Variants in NAP1L4 observed in about 807,000 individuals in gnomAD.
The protein encoded by NAP1L4 is nucleosome assembly protein 1-like 4.
Under a neutral mutation model 58.2 loss-of-function variants are expected in NAP1L4, and 15 were observed. The ratio of observed to expected loss-of-function variants is 0.26; its 90% confidence interval spans 0.17 to 0.40. NAP1L4 has a LOEUF of 0.40. Among genes scored for constraint, NAP1L4 ranks in the 10% least tolerant of loss-of-function variants. The pLI, the probability that NAP1L4 is intolerant of heterozygous loss-of-function variation, is 1.00. For synonymous variants in NAP1L4, 171 were observed against 155.6 expected, an observed-to-expected ratio of 1.10 and a Z score of -0.74; for missense variants, 384 against 451.1, an observed-to-expected ratio of 0.85 and a Z score of 1.35.
chr11:2,987,285 A>C (rs1848688375), intron 1 of NAP1L4, among the ~76,000 whole-genome samples: 1 of 151,800 alleles, frequency 6.6e-6, no homozygotes, highest in South Asian at 2.1e-4. Flanking sequence ...TTTCCATGAT[A>C]ATGTTCTGGG....
At chr11:2,957,614 A>G (rs1411828540) in intron 10 of NAP1L4, among the ~76,000 whole-genome samples, 1 of 152,214 alleles carries the variant, frequency 6.6e-6, no homozygotes, top group East Asian at 1.9e-4. Context: ...AAGTTGCTTG[A>G]CCTTCACATT....
chr11:2,976,024 G>A lies in NAP1L4; in HGVS notation c.173C>T (p.Thr58Ile), dbSNP rs200525250. ...GAGACCCTATTCACAGCACACTTAC[G>A]TTTCGATGTAGCTGGAAGGGGTGTG... The part of the protein sequence containing the change: ...VPHTPSSYIE[T>I]LPKAVKRRIN... Residue 58 changes from threonine to isoleucine, a missense_variant and splice_region_variant, in exon 4 of 16, where the codon ACT becomes ATT. Around this residue, in one of 3 missense-constraint regions of NAP1L4, gnomAD observed 84 missense variants for 73.7 expected, o/e 1.14. Transcript: ENST00000380542. 2.2e-4 allele frequency: 357 copies of A among 1,610,518 alleles called. 1 individual carries two copies. The African/African-American group carries it at 4.1e-3, about 18-fold the overall frequency.
chr11:2,976,106 C>G lies in NAP1L4; in HGVS notation c.91G>C (p.Val31Leu), dbSNP rs1368956742. ...ASNTEKLTDQ[V>L]MQNPRVLAAL... is the part of the protein sequence containing the mutation. ...GCCAGAACTCGAGGATTCTGCATCA[C>G]CTGATCTGTGAGCTTTTCTATGAAG... The change falls in exon 4 of 16, where the codon GTG (valine) becomes CTG (leucine). Residue 31 changes from valine to leucine, a missense_variant. Physicochemically the swap from Val to Leu is conservative, Grantham distance 32. Coordinates refer to ENST00000380542, the MANE Select transcript of NAP1L4 (RefSeq NM_005969.4). The G allele has an allele frequency of 6.2e-7, 1 of 1,613,802 alleles. No homozygotes were observed. The highest frequency in any genetic ancestry group is 8.5e-7 in the Non-Finnish European group (1 of 1,179,930).
At chr11:2,970,085 G>A (rs1378735700) in intron 6 of NAP1L4, 151 bp from the exon 7 acceptor site, 6 of 693,000 alleles carry the variant, frequency 8.7e-6, no homozygotes, top group Non-Finnish European at 1.4e-5. Context: ...ACTGGGCCAC[G>A]CGACACTTTT....
chr11:2,962,781 T>C (rs1326269291), intron 8 of NAP1L4, among the ~76,000 whole-genome samples: 1 of 151,630 alleles, frequency 6.6e-6, no homozygotes, highest in Non-Finnish European at 1.5e-5. Flanking sequence ...AAAATTGACC[T>C]AGGAAATCAT....
Position 2,972,099 on chromosome 11 carries a change from T to C in NAP1L4, c.315+3A>G. Reference sequence around the variant, plus strand: ...TGTATATTAAATTAACAGAGCTCCCTACCTTGTCAAAGAGAGGCTGGTATA... The same window carrying C: ...TGTATATTAAATTAACAGAGCTCCCCACCTTGTCAAAGAGAGGCTGGTATA... On this transcript the variant is annotated splice_donor_region_variant and intron_variant, in intron 5 of 15. Transcript: ENST00000380542. 4.5e-6 allele frequency: 7 copies of C among 1,558,078 alleles called. No homozygotes were observed. Among genetic ancestry groups the C allele is most frequent in the Non-Finnish European group, 6.0e-6 (7 of 1,160,372 alleles).
intron 1 of NAP1L4, among the ~76,000 whole-genome samples, chr11:2,986,523 C>T (rs1488234497): frequency 1.3e-5 from 2 of 152,000 alleles, no homozygotes; most frequent in African/African-American, 4.8e-5. Flanking sequence ...TGGGAGATAA[C>T]TGAAGGATTA....
intron 1 of NAP1L4, chr11:2,990,397 A>C (rs536558919): frequency 3.1e-4 from 47 of 152,276 alleles, no homozygotes; most frequent in Non-Finnish European, 5.4e-4. Context: ...TTACTTTCCC[A>C]TTCTATCACC....
chr11:2,978,194 C>T (rs180972730), intron 3 of NAP1L4, 90 bp downstream of exon 3: 509 of 1,249,320 alleles, frequency 4.1e-4, no homozygotes, highest in Admixed American at 1.3e-3. Context: ...CACTGCAGTA[C>T]AGGAATCCTT....
At chr11:2,956,227 C>G (rs1846532832) in intron 10 of NAP1L4, among the ~76,000 whole-genome samples, 1 of 152,188 alleles carries the variant, frequency 6.6e-6, no homozygotes, top group African/African-American at 2.4e-5. Flanking sequence ...ATCAGCGAGA[C>G]AGAAACTGCA....
intron 7 of NAP1L4, among the ~76,000 whole-genome samples, chr11:2,968,345 C>T (rs948851581): frequency 1.3e-5 from 2 of 152,170 alleles, no homozygotes; most frequent in African/African-American, 4.8e-5. Flanking sequence ...GGTGAGACTA[C>T]GGCTCTGGTA....
At chr11:2,987,452 T>C (rs1191403868) in intron 1 of NAP1L4, among the ~76,000 whole-genome samples, 1 of 150,806 alleles carries the variant, frequency 6.6e-6, no homozygotes, top group African/African-American at 2.4e-5. Context: ...AGGCCCATGA[T>C]AATGTTTAAA....
At position 2,951,395 on chromosome 11, in the gene NAP1L4, CAA is replaced by C. The variant is rs1322748856; in HGVS notation, c.1066-82_1066-81del. ...ATTCACAATCCACAAACACAAGGAG[CAA>C]AACACTGCCTTAGATGGAAATCAAT... On this transcript the variant is annotated intron_variant, in intron 13 of 15. Coordinates refer to ENST00000380542, the MANE Select transcript of NAP1L4 (RefSeq NM_005969.4). The surrounding 1 kb of genome is among the most constrained non-coding windows in gnomAD (Gnocchi z 4.0). 19 of 1,184,848 alleles carry C rather than the reference CAA, an allele frequency of 1.6e-5. No individual in the cohort carries two copies. In the East Asian group the frequency reaches 4.0e-4, roughly 25 times the overall value. The allele number at this position is 1,184,848 out of a possible 1,614,324, so 73.4% of individuals were successfully genotyped here. A position where few individuals can be genotyped will look rare whatever the true frequency, so the allele number is the denominator to read the frequency against.
At chr11:2,974,281 C>T (rs1847825166) in intron 4 of NAP1L4, among the ~76,000 whole-genome samples, 1 of 152,118 alleles carries the variant, frequency 6.6e-6, no homozygotes, top group Admixed American at 6.5e-5. Flanking sequence ...CCCTAGTGTG[C>T]CCCCAACAGT....
At position 2,945,536 on chromosome 11, in the gene NAP1L4, G is replaced by A. The variant is rs980029044; in HGVS notation, c.*143C>T. The A allele has an allele frequency of 1.1e-4, 143 of 1,337,154 alleles. No homozygotes were observed. The highest frequency in any genetic ancestry group is 1.8e-4 in the Middle Eastern group (1 of 5,608). 82.8% of individuals were successfully genotyped at this position (1,337,154 alleles called of 1,614,324 possible). On this transcript the variant is annotated 3_prime_UTR_variant, in exon 16 of 16. Transcript: ENST00000380542. ...AGCTCTGTCCACGGGATTGTGCTGCGGCAAGGACCGAGGCCCCGCCCACAG... is the reference window on the plus strand; with the variant it reads ...AGCTCTGTCCACGGGATTGTGCTGCAGCAAGGACCGAGGCCCCGCCCACAG...
intron 1 of NAP1L4, among the ~76,000 whole-genome samples, chr11:2,981,099 G>A (rs1294018201): frequency 7.9e-5 from 12 of 151,954 alleles, no homozygotes; most frequent in East Asian, 1.9e-4. Context: ...TTAGCCAGGC[G>A]TGCTGGTGTG....
chr11:2,964,420 T>G (rs968683984), intron 8 of NAP1L4, among the ~76,000 whole-genome samples: 12 of 152,176 alleles, frequency 7.9e-5, no homozygotes, highest in African/African-American at 2.9e-4. Context: ...TCTGCATCAC[T>G]GTCAAATCAT....
At chr11:2,967,169 C>A (rs1432004117) in intron 7 of NAP1L4, among the ~76,000 whole-genome samples, 1 of 152,050 alleles carries the variant, frequency 6.6e-6, no homozygotes, top group Non-Finnish European at 1.5e-5. Flanking sequence ...CTCGAGAGGA[C>A]CCCTTGAGGC....
intron 7 of NAP1L4, 104 bp from the exon 8 acceptor site, chr11:2,964,855 C>G: frequency 1.3e-6 from 1 of 799,850 alleles, no homozygotes; most frequent in East Asian, 2.6e-5. Flanking sequence ...CATAACTAGC[C>G]CTATTGGAAT....
Sources: gnomAD v4.1 joint callset for allele counts (sites outside exome capture counted in the v4.1 genomes callset) on GRCh38, gnomAD v4.1.1 for gene constraint, gnomAD v4.1.1 regional missense constraint, Gnocchi (gnomAD v3.1) non-coding constraint, MANE v1.5 for transcripts, NCBI Gene and HGNC (gene_info 2026-07-23, HGNC 2026-07-21) for gene names.